The following CDH26 variants were observed in gnomAD, a reference collection of about 807,000 sequenced individuals.
CDH26 encodes the protein cadherin-like protein 26.
Under a neutral mutation model 90.3 loss-of-function variants are expected in CDH26, and 83 were observed. The observed-to-expected ratio is 0.92, with a 90% CI of 0.77 to 1.10. CDH26 has a LOEUF of 1.10. Among genes scored for constraint, CDH26 ranks in the 50% least tolerant of loss-of-function variants. The pLI is 0.00. For missense variants in CDH26, 1,013 were observed against 1,037.6 expected, an observed-to-expected ratio of 0.98 and a Z score of 0.33; for synonymous variants, 397 against 396.3, an observed-to-expected ratio of 1.00 and a Z score of -0.02.
At chr20:60,008,897 CAGGCAAG>C (rs1370743391) in intron 17 of CDH26, among the ~76,000 whole-genome samples, 1 of 152,198 alleles carries the variant, frequency 6.6e-6, no homozygotes, top group African/African-American at 2.4e-5. Context: ...TGCCTAAAAG[CAGGCAAG>C]CCAGGCTCCT....
chr20:59,993,385 A>C (rs2061551295), intron 10 of CDH26, among the ~76,000 whole-genome samples: 1 of 152,186 alleles, frequency 6.6e-6, no homozygotes, highest in Non-Finnish European at 1.5e-5. Flanking sequence ...AGTACCTTGT[A>C]TCCAATGTGA....
chr20:60,031,126 T>C, intron 7 of CDH26: 1 of 1,012,860 alleles, frequency 9.9e-7, no homozygotes, highest in Non-Finnish European at 1.2e-6. Context: ...CCATGGCATT[T>C]GTAAACTGTC....
At chr20:59,986,212 A>T (rs1175703483) in intron 7 of CDH26, 1 of 152,204 alleles carries the variant, frequency 6.6e-6, no homozygotes, top group African/African-American at 2.4e-5. Context: ...TCCATACCTT[A>T]CCTTATCCAA....
At chr20:59,987,662 C>T (rs1175469198) in intron 8 of CDH26, 24 bp downstream of exon 8, 2 of 1,580,654 alleles carry the variant, frequency 1.3e-6, no homozygotes, top group Non-Finnish European at 1.7e-6. Flanking sequence ...GGTGACATAC[C>T]AACCAGTTAG....
intron 10 of CDH26, 114 bp from the exon 11 acceptor site, chr20:59,994,136 G>A (rs2061561370): frequency 7.3e-7 from 1 of 1,364,322 alleles, no homozygotes. Context: ...CGTTGAAAGG[G>A]AAACAGTTCC....
At chr20:59,987,967 A>T (rs2061479923) in intron 8 of CDH26, among the ~76,000 whole-genome samples, 1 of 152,246 alleles carries the variant, frequency 6.6e-6, no homozygotes, top group Non-Finnish European at 1.5e-5. Flanking sequence ...ATGTGATTAA[A>T]AAATGAAAAC....
exon 9 of CDH26, chr20:60,033,764 G>A (rs749329542): frequency 5.2e-4 from 556 of 1,066,588 alleles, no homozygotes; most frequent in Non-Finnish European, 4.9e-4. Context: ...AATTATCCAG[G>A]TAGACAAGAT....
intron 12 of CDH26, 161 bp from the exon 13 acceptor site, chr20:59,996,470 C>T: frequency 1.9e-6 from 3 of 1,608,032 alleles, no homozygotes; most frequent in Non-Finnish European, 2.5e-6. Flanking sequence ...TCTACTGGTA[C>T]CCTGGAACTG....
chr20:59,986,648 CA>C (rs2061462670), intron 7 of CDH26, among the ~76,000 whole-genome samples: 1 of 151,698 alleles, frequency 6.6e-6, no homozygotes, highest in East Asian at 1.9e-4. Flanking sequence ...CACACACACA[CA>C]CACACACACA....
chr20:59,970,313 G>A, intron 3 of CDH26, 127 bp downstream of exon 3: 2 of 1,305,502 alleles, frequency 1.5e-6, no homozygotes, highest in South Asian at 1.6e-5. Context: ...AGAGCAGAAG[G>A]AGCACTGGCC....
rs150812055 is a variant in CDH26 at position 59,980,293 on chromosome 20, T to C, written c.394-2630T>C. On this transcript the variant is annotated intron_variant, in intron 4 of 17. Coordinates refer to ENST00000348616, the MANE Select transcript of CDH26 (RefSeq NM_177980.4). ...CTTTGCCCATTTTAAAATTGTATTG[T>C]TTTTGTCTTTTTTTTTTTGAGATGG... is the stretch of plus-strand genomic sequence containing the variant. 4.4e-3 allele frequency among the ~76,000 whole-genome samples: 578 copies of C among 131,992 alleles called. 4 individuals are homozygous for C. The highest frequency in any genetic ancestry group is 0.02 in the African/African-American group (549 of 26,986). The allele number at this position is 131,992 out of a possible 152,430, so 86.6% of individuals were successfully genotyped here. A position where few individuals can be genotyped will look rare whatever the true frequency, so the allele number is the denominator to read the frequency against.
At chr20:59,971,498 A>G (rs904285943) in intron 3 of CDH26, among the ~76,000 whole-genome samples, 3 of 152,218 alleles carry the variant, frequency 2.0e-5, no homozygotes, top group African/African-American at 7.2e-5. Context: ...CCTTCAAGGG[A>G]TAATTGATAT....
At chr20:59,985,187 T>C (rs899188943) in intron 7 of CDH26, 58 bp downstream of exon 7, 2 of 1,597,510 alleles carry the variant, frequency 1.3e-6, no homozygotes, top group African/African-American at 1.3e-5. Context: ...CCTTGGGTCC[T>C]AGGCTCAGTT....
At chr20:59,981,291 G>A (rs1304419263) in intron 4 of CDH26, among the ~76,000 whole-genome samples, 2 of 151,972 alleles carry the variant, frequency 1.3e-5, no homozygotes, top group South Asian at 2.1e-4. Flanking sequence ...CTTTTGATTG[G>A]GATCATGCTG....
intron 13 of CDH26, 72 bp downstream of exon 13, chr20:59,996,833 TC>T (rs1185743301): frequency 3.2e-6 from 5 of 1,579,132 alleles, no homozygotes; most frequent in African/African-American, 2.7e-5. Context: ...CATGTATTTT[TC>T]CCCCCATTGT....
intron 16 of CDH26, among the ~76,000 whole-genome samples, chr20:60,003,120 G>A (rs1305816298): frequency 2.0e-5 from 3 of 152,190 alleles, no homozygotes; most frequent in Non-Finnish European, 4.4e-5. Flanking sequence ...GAGTTGCTAA[G>A]ACCTCAGTCA....
intron 7 of CDH26, 81 bp downstream of exon 7, chr20:59,985,210 G>A (rs2061441224): frequency 6.5e-7 from 1 of 1,531,004 alleles, no homozygotes; most frequent in East Asian, 2.3e-5. Flanking sequence ...TCTCAGAGAG[G>A]GTGTTAGGCT....
intron 8 of CDH26, among the ~76,000 whole-genome samples, chr20:60,032,872 T>C (rs956896967): frequency 7.3e-6 from 1 of 137,802 alleles, no homozygotes; most frequent in African/African-American, 2.6e-5. Flanking sequence ...GGGGGAGGGA[T>C]AGCATTGGGA....
In CDH26 at chr20:59,992,561, C is replaced by G; in HGVS notation, c.1426+41C>G. ...AAATTGGAAAAATAAAATGCTCATTCTTGCTTCCTGCGGGAAAATAACCCT... is the reference window on the plus strand; with the variant it reads ...AAATTGGAAAAATAAAATGCTCATTGTTGCTTCCTGCGGGAAAATAACCCT... On this transcript the variant is annotated intron_variant, in intron 10 of 17. Coordinates refer to ENST00000348616, the MANE Select transcript of CDH26 (RefSeq NM_177980.4). This position sits in a 1 kb window ranked among gnomAD's most constrained non-coding sequence, Gnocchi z 5.0. 6.2e-7 allele frequency: 1 copy of G among 1,606,596 alleles called. No homozygotes were observed. Among genetic ancestry groups the G allele is most frequent in the Non-Finnish European group, 8.5e-7 (1 of 1,173,692 alleles).
Sources: allele counts gnomAD v4.1 joint callset (sites outside exome capture counted in the v4.1 genomes callset), GRCh38; gene constraint gnomAD v4.1.1; non-coding constraint Gnocchi (gnomAD v3.1); transcripts MANE v1.5; gene names NCBI Gene and HGNC (gene_info 2026-07-23, HGNC 2026-07-21).